NDE1: variants seen among roughly 807,000 people sequenced by gnomAD.
The protein encoded by NDE1 is nuclear distribution protein nudE homolog 1.
In NDE1, 28 loss-of-function variants were observed where a neutral mutation model predicts 43.4. The ratio of observed to expected loss-of-function variants is 0.65; its 90% CI spans 0.48 to 0.89. The LOEUF (loss-of-function observed/expected upper bound fraction) is 0.89. NDE1 is among the 40% of genes least tolerant of loss of function. NDE1 has a pLI of 0.00. For missense variants in NDE1, 441 were observed against 434.1 expected (o/e 1.02, Z -0.14); for synonymous variants, 184 against 172.0 (o/e 1.07, Z -0.55).
At chr16:15,668,145 C>T (rs779720838) in intron 3 of NDE1, among the ~76,000 whole-genome samples, 12 of 152,004 alleles carry the variant, frequency 7.9e-5, no homozygotes, top group Non-Finnish European at 1.0e-4. Flanking sequence ...GGGCAGATCA[C>T]GAGGTCAAGA....
chr16:15,655,006 C>T (rs11865602), intron 1 of NDE1, among the ~76,000 whole-genome samples: 1,844 of 151,746 alleles, frequency 0.012, 44 homozygotes, highest in African/African-American at 0.043. Flanking sequence ...AACTTTCTGA[C>T]GTTTTCATGT....
At chr16:15,714,639 TTCC>T (rs1200471783) in intron 8 of NDE1, 35 of 574,760 alleles carry the variant, frequency 6.1e-5, no homozygotes, top group Middle Eastern at 4.6e-4. Context: ...GGATAGCCTC[TTCC>T]TCCTCCTCAG....
chr16:15,667,632 G>GTTTTT (rs1278177492), intron 3 of NDE1, among the ~76,000 whole-genome samples, 193 bp downstream of exon 3: 1 of 132,832 alleles, frequency 7.5e-6, no homozygotes. Flanking sequence ...TTTTTGTTTT[G>GTTTTT]TTTTTTTTTT....
At chr16:15,681,618 A>C (rs753326248) in intron 4 of NDE1, among the ~76,000 whole-genome samples, 1 of 151,612 alleles carries the variant, frequency 6.6e-6, no homozygotes, top group Non-Finnish European at 1.5e-5. Context: ...TTTCTAGGAG[A>C]TTTTTATATA....
At chr16:15,674,829 A>T (rs900859747) in intron 3 of NDE1, among the ~76,000 whole-genome samples, 2 of 151,988 alleles carry the variant, frequency 1.3e-5, no homozygotes, top group Non-Finnish European at 2.9e-5. Context: ...TTCCCATCTC[A>T]GCCTCCTAAC....
intron 8 of NDE1, among the ~76,000 whole-genome samples, chr16:15,702,415 C>T (rs2039250488): frequency 6.6e-6 from 1 of 151,910 alleles, no homozygotes; most frequent in African/African-American, 2.4e-5. Context: ...GTGTGAGAGA[C>T]AAGGTGTTAC....
intron 1 of NDE1, chr16:15,651,439 T>TG (rs897629708): frequency 1.3e-5 from 2 of 149,944 alleles, no homozygotes; most frequent in African/African-American, 5.0e-5. Flanking sequence ...CGTTTTTTTT[T>TG]TTTTTTTTTT....
At chr16:15,703,937 T>C (rs1349205951) in intron 8 of NDE1, 4 of 1,612,800 alleles carry the variant, frequency 2.5e-6, no homozygotes, top group Non-Finnish European at 8.5e-7. Context: ...TTTTTTTGTT[T>C]GTTTGTTTTG....
Position 15,725,072 on chromosome 16 carries a change from C to T in NDE1, c.*821C>T, listed in dbSNP as rs2040683658. Reference sequence around the variant, plus strand: ...AAAGGAGCCCTTTTTACTCAAAACACATGGGCTAGTACTTGAGGTGTTCAC... The same window carrying T: ...AAAGGAGCCCTTTTTACTCAAAACATATGGGCTAGTACTTGAGGTGTTCAC... On this transcript the variant is annotated 3_prime_UTR_variant, in exon 9 of 9. Coordinates refer to ENST00000396354, the MANE Select transcript of NDE1 (RefSeq NM_017668.3). The T allele has an allele frequency of 8.7e-7, 1 of 1,151,296 alleles. No individual in the cohort carries two copies. Among genetic ancestry groups the T allele is most frequent in the Non-Finnish European group, 1.3e-6 (1 of 784,474 alleles). 71.3% of individuals were successfully genotyped at this position (1,151,296 alleles called of 1,614,324 possible).
chr16:15,676,151 T>A (rs1596586275), intron 3 of NDE1, among the ~76,000 whole-genome samples: 2 of 143,476 alleles, frequency 1.4e-5, no homozygotes, highest in East Asian at 4.0e-4. Context: ...CCTTCCTCTC[T>A]CCTCTCTCTC....
At chr16:15,722,897 C>T (rs1250879709) in intron 8 of NDE1, among the ~76,000 whole-genome samples, 1 of 152,178 alleles carries the variant, frequency 6.6e-6, no homozygotes, top group Non-Finnish European at 1.5e-5. Context: ...GCGTGCGCCA[C>T]CACGCCCGGC....
At chr16:15,719,342 G>C in intron 8 of NDE1, 1 of 1,602,846 alleles carries the variant, frequency 6.2e-7, no homozygotes, top group Non-Finnish European at 8.5e-7. Flanking sequence ...TTGTCTGCCA[G>C]GGAAAGGCCA....
intron 8 of NDE1, chr16:15,718,770 A>G (rs2040307502): frequency 6.6e-6 from 3 of 452,470 alleles, no homozygotes; most frequent in South Asian, 2.3e-5. Flanking sequence ...GCGCTGACGG[A>G]AAACCTAACC....
intron 7 of NDE1, chr16:15,694,743 C>A: frequency 1.0e-6 from 1 of 985,370 alleles, no homozygotes; most frequent in East Asian, 1.1e-4. Context: ...GCCAGACACT[C>A]AGAGCTCTGA....
At chr16:15,699,816 G>A (rs1157796021) in intron 8 of NDE1, 2 of 1,350,786 alleles carry the variant, frequency 1.5e-6, no homozygotes, top group Non-Finnish European at 2.0e-6. Context: ...TCAAGATGTT[G>A]CTTTAGGAAA....
chr16:15,664,916 T>G, intron 2 of NDE1, 55 bp downstream of exon 2: 2 of 1,371,890 alleles, frequency 1.5e-6, no homozygotes, highest in South Asian at 1.2e-5. Flanking sequence ...GATGGGGTCC[T>G]GCTATGTTAC....
chr16:15,681,094 T>G (rs1477767704), intron 4 of NDE1, among the ~76,000 whole-genome samples: 2 of 150,482 alleles, frequency 1.3e-5, no homozygotes, highest in South Asian at 2.1e-4. Context: ...GTGTTTTGTG[T>G]TTTTTTTGCA....
intron 8 of NDE1, chr16:15,713,270 A>C (rs772635233): frequency 3.3e-5 from 5 of 151,894 alleles, no homozygotes; most frequent in Non-Finnish European, 7.4e-5. Flanking sequence ...ATAGAAGTGT[A>C]CAGAGGTGCA....
chr16:15,699,832 G>C, intron 8 of NDE1: 1 of 1,349,314 alleles, frequency 7.4e-7, no homozygotes, highest in Non-Finnish European at 9.8e-7. Context: ...GGAAAACCAC[G>C]GAAGCTGAAG....
Sources: allele counts gnomAD v4.1 joint callset (sites outside exome capture counted in the v4.1 genomes callset), GRCh38; gene constraint gnomAD v4.1.1; transcripts MANE v1.5; gene names NCBI Gene and HGNC (gene_info 2026-07-23, HGNC 2026-07-21).